The following EGF variants were observed in gnomAD, a reference collection of about 807,000 sequenced individuals.
EGF encodes pro-epidermal growth factor.
In EGF, 95 loss-of-function variants were observed where a neutral mutation model predicts 143.8. That is an observed-to-expected ratio of 0.66 (90% CI 0.56 to 0.78). The LOEUF is 0.78. Among genes scored for constraint, EGF ranks in the 30% least tolerant of loss-of-function variants. The pLI, the probability that EGF is intolerant of heterozygous loss-of-function variation, is 0.00. For missense variants in EGF, 1,320 were observed against 1,470.9 expected (o/e 0.90, Z 1.68); for synonymous variants, 510 against 510.5 (o/e 1.00, Z 0.01).
rs1175273447 is a variant in EGF at position 109,993,371 on chromosome 4, T to A, written c.2857+2T>A. 1.2e-6 allele frequency: 2 copies of A among 1,613,054 alleles called. No individual in the cohort carries two copies. Among genetic ancestry groups the A allele is most frequent in the Non-Finnish European group, 1.7e-6 (2 of 1,179,614 alleles). ...CTGAACCAGGACTGATTTGCCCTGG[T>A]AGGTTGGTGGGTGGTCTACAGTGAA... is the stretch of plus-strand genomic sequence containing the variant. On this transcript the variant is annotated splice_donor_variant, in intron 19 of 23. Transcript: ENST00000265171. LOFTEE classifies it high-confidence loss of function.
At chr4:110,002,660 T>C (rs1383272321) in intron 21 of EGF, among the ~76,000 whole-genome samples, 1 of 151,930 alleles carries the variant, frequency 6.6e-6, no homozygotes, top group African/African-American at 2.4e-5. Flanking sequence ...TTTGTGGGTT[T>C]TTTTTTAACT....
intron 4 of EGF, among the ~76,000 whole-genome samples, chr4:109,944,784 A>G (rs1422984366): frequency 1.3e-5 from 2 of 152,186 alleles, no homozygotes; most frequent in Non-Finnish European, 2.9e-5. Flanking sequence ...GTCACTAGAA[A>G]CCCACTCTTA....
At chr4:109,999,116 T>G (rs375746786) in intron 20 of EGF, among the ~76,000 whole-genome samples, 1 of 152,240 alleles carries the variant, frequency 6.6e-6, no homozygotes, top group East Asian at 1.9e-4. Flanking sequence ...AATGCCTGTA[T>G]GTATGTTGTA....
intron 16 of EGF, among the ~76,000 whole-genome samples, chr4:109,984,246 CAA>C (rs35632667): frequency 1.0e-4 from 14 of 136,752 alleles, no homozygotes; most frequent in Non-Finnish European, 9.7e-5. Flanking sequence ...ATGTATGTGG[CAA>C]AAAAAAAAAA....
At chr4:109,990,145 G>A (rs1051154117) in intron 18 of EGF, among the ~76,000 whole-genome samples, 9 of 152,190 alleles carry the variant, frequency 5.9e-5, no homozygotes, top group African/African-American at 2.2e-4. Context: ...GAGTCAGTTT[G>A]GGCCATCTGG....
intron 11 of EGF, 119 bp downstream of exon 11, chr4:109,969,238 TGGA>T (rs1218142794): frequency 7.2e-7 from 1 of 1,393,030 alleles, no homozygotes; most frequent in Non-Finnish European, 1.0e-6. Context: ...TGGTTGGGAT[TGGA>T]GAAAAGAGGC....
chr4:109,999,867 GTACTGGAAACC>G, intron 21 of EGF, 21 bp downstream of exon 21: 1 of 1,612,596 alleles, frequency 6.2e-7, no homozygotes, highest in East Asian at 2.2e-5. Context: ...CTTTCCTTTG[GTACTGGAAACC>G]TCTTTCTAAG....
At chr4:109,944,709 A>T (rs762591389) in intron 4 of EGF, among the ~76,000 whole-genome samples, 2 of 152,260 alleles carry the variant, frequency 1.3e-5, no homozygotes, top group Non-Finnish European at 2.9e-5. Context: ...TTGATTTGCT[A>T]TCATGCCAGC....
intron 10 of EGF, 79 bp downstream of exon 10, chr4:109,964,616 C>A: frequency 6.3e-7 from 1 of 1,588,398 alleles, no homozygotes; most frequent in Non-Finnish European, 8.6e-7. Flanking sequence ...AATGACCTGG[C>A]CTACTTGAAA....
At chr4:109,956,102 A>G (rs758264264) in intron 5 of EGF, among the ~76,000 whole-genome samples, 1 of 152,252 alleles carries the variant, frequency 6.6e-6, no homozygotes, top group Non-Finnish European at 1.5e-5. Context: ...CTTTAGAGGT[A>G]TAAACTCAGA....
chr4:110,002,810 C>T (rs1476379007), intron 21 of EGF, among the ~76,000 whole-genome samples: 3 of 152,156 alleles, frequency 2.0e-5, no homozygotes, highest in African/African-American at 7.2e-5. Flanking sequence ...CCTGTTCCTC[C>T]TCCCACCCTC....
chr4:109,949,616 C>T (rs891507899), intron 5 of EGF, among the ~76,000 whole-genome samples: 1 of 149,326 alleles, frequency 6.7e-6, no homozygotes, highest in South Asian at 2.1e-4. Context: ...TAGTTCAGAC[C>T]TCTTTTTTTT....
chr4:109,932,377 A>ATATATATATATATATATATATAT (rs1553929849), intron 1 of EGF, among the ~76,000 whole-genome samples: 60 of 123,854 alleles, frequency 4.8e-4, no homozygotes, highest in African/African-American at 8.6e-4. Flanking sequence ...ATATATATAT[A>ATATATATATATATATATATATAT]AATTTTTTTT....
chr4:109,913,208 A>T lies in EGF; in HGVS notation c.-128A>T. ...AGGACAACAGCACAACAGGAGAGTA[A>T]AAGATGCCCCAGGGCTGAGGCCTCC... is the stretch of plus-strand genomic sequence containing the variant. On this transcript the variant is annotated 5_prime_UTR_variant, in exon 1 of 24. Coordinates refer to ENST00000265171, the MANE Select transcript of EGF (RefSeq NM_001963.6). 1 of 1,180,116 alleles carries T rather than the reference A, an allele frequency of 8.5e-7. No homozygotes were observed. The highest frequency in any genetic ancestry group is 1.2e-5 in the South Asian group (1 of 80,086). 73.1% of individuals were successfully genotyped at this position (1,180,116 alleles called of 1,614,324 possible).
Position 109,980,829 on chromosome 4 carries a change from C to A in EGF, c.2225C>A (p.Ala742Glu). The change falls in exon 15 of 24, where the codon GCA (alanine) becomes GAA (glutamate). Residue 742 changes from alanine to glutamate, a missense_variant. Ala to Glu is a moderately radical substitution (Grantham distance 107). Transcript: ENST00000265171. Reference sequence around the variant, plus strand: ...ATTTGTTTCTTTTCTCTACTAGGAGCAGATCCCTGCTTATATCAAAACGGA... The same window carrying A: ...ATTTGTTTCTTTTCTCTACTAGGAGAAGATCCCTGCTTATATCAAAACGGA... ...VVVHPLAKPG[A>E]DPCLYQNGGC... 1.2e-6 allele frequency: 2 copies of A among 1,614,018 alleles called. No individual in the cohort carries two copies. The highest frequency in any genetic ancestry group is 1.7e-6 in the Non-Finnish European group (2 of 1,179,912).
chr4:109,985,934 C>T (rs1750050196), intron 16 of EGF, among the ~76,000 whole-genome samples: 1 of 152,084 alleles, frequency 6.6e-6, no homozygotes, highest in Admixed American at 6.5e-5. Context: ...CTTTGTCATC[C>T]TTATTTAAAT....
chr4:109,958,902 G>A (rs1745220442), intron 5 of EGF, among the ~76,000 whole-genome samples: 1 of 145,120 alleles, frequency 6.9e-6, no homozygotes. Flanking sequence ...TGGGTGACAG[G>A]GGGAGACCCT....
chr4:109,932,634 G>A (rs540232387), intron 1 of EGF, among the ~76,000 whole-genome samples: 22 of 151,444 alleles, frequency 1.5e-4, no homozygotes, highest in Non-Finnish European at 2.5e-4. Flanking sequence ...TGCCTGCCTC[G>A]GCCTCCCAAA....
Position 109,993,250 on chromosome 4 carries a change from T to C in EGF, c.2738T>C (p.Ile913Thr). 1 of 1,613,748 alleles carries C rather than the reference T, an allele frequency of 6.2e-7. No homozygotes were observed. Among genetic ancestry groups the C allele is most frequent in the South Asian group, 1.1e-5 (1 of 91,068 alleles). ...YQGDGIHCLD[I>T]DECQLGEHSC... Reference sequence around the variant, plus strand: ...CGTACTCTGTCTTTTCTGACAGATATTGATGAGTGCCAACTGGGGGAGCAC... The same window carrying C: ...CGTACTCTGTCTTTTCTGACAGATACTGATGAGTGCCAACTGGGGGAGCAC... Residue 913 changes from isoleucine (I) to threonine (T), a missense_variant, in exon 19 of 24, where the codon ATT (isoleucine) becomes ACT (threonine). Physicochemically the swap from Ile to Thr is moderately conservative, Grantham distance 89 (BLOSUM62 -1). Transcript: ENST00000265171.
Sources: allele counts gnomAD v4.1 joint callset (sites outside exome capture counted in the v4.1 genomes callset), GRCh38; gene constraint gnomAD v4.1.1; transcripts MANE v1.5; gene names NCBI Gene and HGNC (gene_info 2026-07-23, HGNC 2026-07-21).